The following FOXK2 variants were observed in gnomAD, a reference collection of about 807,000 sequenced individuals.
FOXK2 encodes the protein forkhead box protein K2.
A neutral mutation model predicts 53.3 loss-of-function variants in FOXK2; 24 were observed. The observed-to-expected ratio is 0.45, with a 90% confidence interval of 0.33 to 0.63. The LOEUF (loss-of-function observed/expected upper bound fraction) is 0.63. FOXK2 is among the 30% of genes least tolerant of loss of function. FOXK2 has a pLI of 0.03. For synonymous variants in FOXK2, 505 were observed against 407.1 expected (o/e 1.24, Z -2.89); for missense variants, 952 against 910.5 (o/e 1.05, Z -0.59).
At chr17:82,523,193 AG>A (rs1567961931) in intron 1 of FOXK2, among the ~76,000 whole-genome samples, 1 of 152,198 alleles carries the variant, frequency 6.6e-6, no homozygotes, top group African/African-American at 2.4e-5. Context: ...CTCAGGGAAG[AG>A]TCTTGTGGCC....
intron 1 of FOXK2, among the ~76,000 whole-genome samples, chr17:82,531,418 T>C (rs1367738188): frequency 1.3e-5 from 2 of 152,212 alleles, no homozygotes; most frequent in Non-Finnish European, 2.9e-5. Context: ...GTGACTTTTT[T>C]GGCCTTGTAC....
intron 1 of FOXK2, among the ~76,000 whole-genome samples, chr17:82,561,156 C>T (rs72862305): frequency 0.18 from 27,434 of 152,012 alleles, 2,804 homozygotes; most frequent in Non-Finnish European, 0.23. Flanking sequence ...ATGATGGGCG[C>T]GTTTTGAAGG....
At chr17:82,532,770 G>C (rs762114052) in intron 1 of FOXK2, among the ~76,000 whole-genome samples, 3 of 151,670 alleles carry the variant, frequency 2.0e-5, no homozygotes, top group Non-Finnish European at 4.4e-5. Context: ...GTTTTGCCGT[G>C]TTGACCAGGC....
In FOXK2 at chr17:82,603,308, TCTTA is replaced by T. The variant is rs2045408258; in HGVS notation, c.*1812_*1815del. The T allele has an allele frequency of 6.6e-6, 1 of 152,212 alleles. No homozygotes were observed. 9.4% of individuals were successfully genotyped at this position (152,212 alleles called of 1,614,324 possible). On this transcript the variant is annotated 3_prime_UTR_variant, in exon 9 of 9. Coordinates refer to ENST00000335255, the MANE Select transcript of FOXK2 (RefSeq NM_004514.4). ...TACCTTGGAATGTATATTTTTGTCTTCTTACTCAGAAGGTTTGCAGTTTGTAAAA... is the reference window on the plus strand; with the variant it reads ...TACCTTGGAATGTATATTTTTGTCTTCTCAGAAGGTTTGCAGTTTGTAAAA...
intron 5 of FOXK2, among the ~76,000 whole-genome samples, chr17:82,583,504 C>T (rs865871774): frequency 6.6e-6 from 1 of 152,226 alleles, no homozygotes; most frequent in South Asian, 2.1e-4. Flanking sequence ...GCCGAGATTG[C>T]GCCACTTCGT....
intron 7 of FOXK2, among the ~76,000 whole-genome samples, chr17:82,586,449 CCGGGGGGGG>C (rs1567985325): frequency 0.14 from 413 of 3,036 alleles, 74 homozygotes; most frequent in African/African-American, 0.24. Flanking sequence ...CAAAGGTGGG[CCGGGGGGGG>C]AAAGGAGGAG....
intron 7 of FOXK2, among the ~76,000 whole-genome samples, chr17:82,586,664 G>T (rs574070041): frequency 4.3e-4 from 65 of 152,160 alleles, no homozygotes; most frequent in Admixed American, 2.3e-3. Context: ...CACTATGGGG[G>T]GCTGAGACGG....
intron 1 of FOXK2, among the ~76,000 whole-genome samples, 154 bp from the exon 2 acceptor site, chr17:82,563,196 TTTTG>T (rs1301849931): frequency 3.3e-5 from 5 of 152,124 alleles, no homozygotes; most frequent in African/African-American, 2.4e-5. Context: ...TTAGTTGTGG[TTTTG>T]TTTGTTTGGC....
chr17:82,546,115 T>G (rs2044622398), intron 1 of FOXK2, among the ~76,000 whole-genome samples: 1 of 13,606 alleles, frequency 7.3e-5, no homozygotes, highest in African/African-American at 3.7e-4. Flanking sequence ...GCATGGTTGG[T>G]TTTTTTTTTT....
chr17:82,591,183 C>T (rs539200493), intron 8 of FOXK2, among the ~76,000 whole-genome samples: 2 of 152,178 alleles, frequency 1.3e-5, no homozygotes, highest in East Asian at 3.9e-4. Context: ...CGTGGGCAGG[C>T]GCAGGGCATG....
Position 82,586,191 on chromosome 17 carries a change from GAA to G in FOXK2, c.1568_1569del (p.Glu523GlyfsTer99). 6.3e-7 allele frequency: 1 copy of G among 1,591,502 alleles called. No individual in the cohort carries two copies. The highest frequency in any genetic ancestry group is 1.2e-5 in the South Asian group (1 of 85,410). Reference sequence around the variant, plus strand: ...GGCCCAGGAGAATGGAGACCACAGGGAAGTCAAAGGTAGGCGGAGGGGAAAGG... The same window carrying G: ...GGCCCAGGAGAATGGAGACCACAGGGGTCAAAGGTAGGCGGAGGGGAAAGG... ...AEAQENGDHR[E>X]VKVKVEPIPA... On this transcript the variant is annotated frameshift_variant, in exon 7 of 9. Coordinates refer to ENST00000335255, the MANE Select transcript of FOXK2 (RefSeq NM_004514.4). LOFTEE classifies it high-confidence loss of function.
intron 4 of FOXK2, chr17:82,577,360 CAGCACAA>C (rs1352801449): frequency 3.2e-6 from 2 of 633,534 alleles, no homozygotes; most frequent in African/African-American, 3.8e-5. Flanking sequence ...AGGAGAAAGA[CAGCACAA>C]AGCTCTCTTC....
intron 3 of FOXK2, among the ~76,000 whole-genome samples, chr17:82,570,351 G>A (rs540645880): frequency 1.3e-5 from 2 of 152,316 alleles, no homozygotes; most frequent in South Asian, 4.1e-4. Context: ...AAATTAGCCA[G>A]GCATAGTGGC....
chr17:82,559,221 C>T, intron 1 of FOXK2: 1 of 389,162 alleles, frequency 2.6e-6, no homozygotes, highest in Non-Finnish European at 5.3e-6. Flanking sequence ...ATTTGGTGTC[C>T]TGAGTGTCTG....
chr17:82,522,421 T>G (rs1400584900), intron 1 of FOXK2, among the ~76,000 whole-genome samples: 5 of 150,324 alleles, frequency 3.3e-5, no homozygotes, highest in African/African-American at 1.2e-4. Flanking sequence ...CAGGCTGGAG[T>G]GCAGTGGCGC....
At chr17:82,558,416 C>G (rs1279824939) in intron 1 of FOXK2, among the ~76,000 whole-genome samples, 1 of 152,168 alleles carries the variant, frequency 6.6e-6, no homozygotes, top group Non-Finnish European at 1.5e-5. Context: ...GAGCACTCAG[C>G]CGGGTCTGGA....
chr17:82,564,734 G>GTT (rs11452758), intron 2 of FOXK2, among the ~76,000 whole-genome samples: 40 of 138,028 alleles, frequency 2.9e-4, no homozygotes, highest in East Asian at 6.2e-4. Flanking sequence ...TAGTCAAATG[G>GTT]TTTTTTTTTT....
intron 8 of FOXK2, chr17:82,595,908 GC>G: frequency 7.8e-7 from 1 of 1,274,934 alleles, no homozygotes; most frequent in Non-Finnish European, 1.0e-6. Flanking sequence ...TTTTCCGGCA[GC>G]CCGGAACCTG....
intron 4 of FOXK2, among the ~76,000 whole-genome samples, chr17:82,581,375 C>T (rs1387740259): frequency 2.0e-5 from 3 of 152,102 alleles, no homozygotes; most frequent in Non-Finnish European, 4.4e-5. Flanking sequence ...TCTGGGCTCA[C>T]TGCAACCTCC....
Sources: allele counts gnomAD v4.1 joint callset (sites outside exome capture counted in the v4.1 genomes callset), GRCh38; gene constraint gnomAD v4.1.1; transcripts MANE v1.5; gene names NCBI Gene and HGNC (gene_info 2026-07-23, HGNC 2026-07-21).